SHISA6: variants seen among roughly 807,000 people sequenced by gnomAD.
SHISA6 encodes protein shisa-6.
Under a neutral mutation model 47.9 loss-of-function variants are expected in SHISA6, and 22 were observed. The observed-to-expected ratio is 0.46, with a 90% CI of 0.33 to 0.66. The LOEUF (loss-of-function observed/expected upper bound fraction) is 0.66, where lower values mean the gene tolerates loss of function less well. SHISA6 is among the 30% of genes least tolerant of loss of function. The pLI is 0.02. For missense variants in SHISA6, 680 were observed against 764.6 expected, an observed-to-expected ratio of 0.89 and a Z score of 1.30; for synonymous variants, 388 against 337.8, an observed-to-expected ratio of 1.15 and a Z score of -1.63.
chr17:11,363,567 A>G (rs1912356142), intron 2 of SHISA6, among the ~76,000 whole-genome samples: 1 of 152,228 alleles, frequency 6.6e-6, no homozygotes, highest in Non-Finnish European at 1.5e-5. Flanking sequence ...AAGAAATAAG[A>G]ACAGTTGCCT....
At chr17:11,460,834 C>G (rs1348501670) in intron 3 of SHISA6, among the ~76,000 whole-genome samples, 1 of 152,238 alleles carries the variant, frequency 6.6e-6, no homozygotes, top group Non-Finnish European at 1.5e-5. Context: ...CCACTGGCCC[C>G]AGGGCCTAGC....
chr17:11,273,251 C>T (rs2142154560), intron 2 of SHISA6, among the ~76,000 whole-genome samples: 1 of 152,302 alleles, frequency 6.6e-6, no homozygotes, highest in East Asian at 1.9e-4. Context: ...GAGCTCAAGC[C>T]CTGAGGTCAA....
chr17:11,514,027 G>T (rs1000296768), intron 3 of SHISA6, among the ~76,000 whole-genome samples: 20 of 152,178 alleles, frequency 1.3e-4, no homozygotes, highest in African/African-American at 3.9e-4. Flanking sequence ...AACTTTGCTA[G>T]CAGCATGCTC....
chr17:11,539,832 C>T (rs1167264849), intron 3 of SHISA6, among the ~76,000 whole-genome samples: 1 of 152,222 alleles, frequency 6.6e-6, no homozygotes, highest in Non-Finnish European at 1.5e-5. Flanking sequence ...ATATCCCTGA[C>T]TGGGCACTGT....
chr17:11,476,969 G>T (rs1916065914), intron 3 of SHISA6, among the ~76,000 whole-genome samples: 1 of 152,136 alleles, frequency 6.6e-6, no homozygotes, highest in Non-Finnish European at 1.5e-5. Context: ...ATTAAAAACT[G>T]TTACGTCTTC....
At chr17:11,271,219 G>C (rs1015803239) in intron 2 of SHISA6, among the ~76,000 whole-genome samples, 2 of 152,028 alleles carry the variant, frequency 1.3e-5, no homozygotes, top group African/African-American at 4.8e-5. Flanking sequence ...CAGAGGGGAG[G>C]GGTGCAGGAA....
chr17:11,328,190 A>T (rs1009109491), intron 2 of SHISA6, among the ~76,000 whole-genome samples: 1 of 152,122 alleles, frequency 6.6e-6, no homozygotes, highest in Non-Finnish European at 1.5e-5. Flanking sequence ...TTGGGTAGGA[A>T]ATTGGGTCCT....
chr17:11,481,997 G>A (rs1312839330), intron 3 of SHISA6, among the ~76,000 whole-genome samples: 4 of 152,148 alleles, frequency 2.6e-5, no homozygotes, highest in Non-Finnish European at 5.9e-5. Flanking sequence ...ACTAAAAGAT[G>A]GGAATGGACA....
chr17:11,261,843 A>G (rs963643005), intron 1 of SHISA6, among the ~76,000 whole-genome samples: 11 of 152,192 alleles, frequency 7.2e-5, no homozygotes, highest in African/African-American at 2.7e-4. Flanking sequence ...TTGCTGGGCC[A>G]TATGTTAATT....
intron 3 of SHISA6, among the ~76,000 whole-genome samples, chr17:11,453,280 C>CA (rs1915451160): frequency 1.3e-5 from 2 of 152,152 alleles, no homozygotes; most frequent in South Asian, 4.1e-4. Flanking sequence ...ACAGAACAGA[C>CA]ACTTGGTAGA....
intron 2 of SHISA6, among the ~76,000 whole-genome samples, chr17:11,285,604 G>A (rs1330581509): frequency 1.3e-5 from 2 of 152,196 alleles, no homozygotes; most frequent in Non-Finnish European, 2.9e-5. Context: ...TACTTTGAGC[G>A]AGGGACTGAT....
chr17:11,279,321 T>C (rs1354519481), intron 2 of SHISA6, among the ~76,000 whole-genome samples: 1 of 152,164 alleles, frequency 6.6e-6, no homozygotes, highest in Non-Finnish European at 1.5e-5. Context: ...AATACTCATA[T>C]CAACTTGTTA....
At chr17:11,420,860 G>A (rs1914433891) in intron 3 of SHISA6, among the ~76,000 whole-genome samples, 1 of 152,220 alleles carries the variant, frequency 6.6e-6, no homozygotes, top group African/African-American at 2.4e-5. Context: ...TATTGACAGA[G>A]GGTATGTTTG....
At chr17:11,441,164 G>C (rs1236845279) in intron 3 of SHISA6, among the ~76,000 whole-genome samples, 1 of 152,168 alleles carries the variant, frequency 6.6e-6, no homozygotes, top group Non-Finnish European at 1.5e-5. Context: ...CTGCTGTCAG[G>C]AAGCCAGGCT....
At chr17:11,363,017 T>C (rs1442020136) in intron 2 of SHISA6, among the ~76,000 whole-genome samples, 1 of 152,190 alleles carries the variant, frequency 6.6e-6, no homozygotes, top group African/African-American at 2.4e-5. Flanking sequence ...CTCTGCCTCC[T>C]AGCATGTCCA....
At chr17:11,383,030 C>T (rs1356244933) in intron 3 of SHISA6, among the ~76,000 whole-genome samples, 4 of 143,734 alleles carry the variant, frequency 2.8e-5, no homozygotes, top group South Asian at 2.3e-4. Context: ...CTCTGTCTCC[C>T]GGGTCCAAGC....
At chr17:11,355,953 G>A (rs899947825) in intron 2 of SHISA6, among the ~76,000 whole-genome samples, 17 of 152,196 alleles carry the variant, frequency 1.1e-4, no homozygotes, top group African/African-American at 4.1e-4. Flanking sequence ...GTAGATCAAG[G>A]ACCAACATGG....
chr17:11,272,925 A>G (rs1279629739), intron 2 of SHISA6, among the ~76,000 whole-genome samples: 1 of 152,206 alleles, frequency 6.6e-6, no homozygotes, highest in African/African-American at 2.4e-5. Context: ...AGCTGTTTTC[A>G]TGGCTGGAGT....
intron 2 of SHISA6, among the ~76,000 whole-genome samples, chr17:11,317,405 C>T (rs1910560490): frequency 6.6e-6 from 1 of 151,246 alleles, no homozygotes; most frequent in Non-Finnish European, 1.5e-5. Context: ...CCTAATATTT[C>T]TAGTCCTGAT....
Sources: allele counts gnomAD v4.1 joint callset (sites outside exome capture counted in the v4.1 genomes callset), GRCh38; gene constraint gnomAD v4.1.1; transcripts MANE v1.5; gene names NCBI Gene and HGNC (gene_info 2026-07-23, HGNC 2026-07-21).